Variants in PTGR3 observed in about 807,000 individuals in gnomAD.
The protein encoded by PTGR3 is zinc binding alcohol dehydrogenase domain containing 2.
At chr18:75,208,313 A>T in the PTGR3 span, 1 of 985,266 alleles carries the variant, frequency 1.0e-6, no homozygotes, top group East Asian at 1.1e-4. Flanking sequence ...CGAGGTGCAC[A>T]CCCACACATC....
At chr18:75,200,566 A>G in the PTGR3 span, 2 of 152,218 alleles carry the variant, frequency 1.3e-5, no homozygotes, top group African/African-American at 4.8e-5. Context: ...GTGTGCCTAG[A>G]CAGCGCTTCC....
the PTGR3 span, chr18:75,202,353 A>G: frequency 6.3e-7 from 1 of 1,596,938 alleles, no homozygotes; most frequent in Non-Finnish European, 8.6e-7. Context: ...AAAAGAAAAC[A>G]AACAAACAAA....
chr18:75,202,053 T>A, the PTGR3 span: 6 of 1,614,106 alleles, frequency 3.7e-6, no homozygotes, highest in South Asian at 6.6e-5. Flanking sequence ...TCCTCCGAGC[T>A]CTTTCAGGCT....
At chr18:75,206,783 TG>T in the PTGR3 span, among the ~76,000 whole-genome samples, 1 of 152,234 alleles carries the variant, frequency 6.6e-6, no homozygotes, top group Non-Finnish European at 1.5e-5. Context: ...TTGGCGTGTG[TG>T]CAGGGAAAAA....
the PTGR3 span, among the ~76,000 whole-genome samples, chr18:75,203,102 G>C: frequency 6.6e-6 from 1 of 152,110 alleles, no homozygotes; most frequent in Non-Finnish European, 1.5e-5. Context: ...AAAGCAAATC[G>C]TTACTATATT....
At chr18:75,208,148 G>A in the PTGR3 span, among the ~76,000 whole-genome samples, 73,602 of 152,154 alleles carry the variant, frequency 0.48, 18,096 homozygotes, top group Middle Eastern at 0.52. Context: ...ACAACCCGGT[G>A]TCACCTGAAT....
At chr18:75,201,237 T>A in the PTGR3 span, 36 of 588,494 alleles carry the variant, frequency 6.1e-5, no homozygotes, top group Admixed American at 9.8e-5. Context: ...CACATTTTTT[T>A]TTTTCCCCCA....
the PTGR3 span, chr18:75,201,769 C>G: frequency 6.2e-7 from 1 of 1,614,200 alleles, no homozygotes; most frequent in East Asian, 2.2e-5. Context: ...CCTTTCGTAG[C>G]CAGGGCGTCT....
chr18:75,201,565 C>T, the PTGR3 span: 1 of 1,614,162 alleles, frequency 6.2e-7, no homozygotes, highest in Non-Finnish European at 8.5e-7. Context: ...ACCTCACAAA[C>T]CAGGTCTCCG....
At chr18:75,200,383 G>C in the PTGR3 span, 1 of 152,244 alleles carries the variant, frequency 6.6e-6, no homozygotes, top group Non-Finnish European at 1.5e-5. Context: ...TGCAGAATGA[G>C]TGGCTGCTAT....
At chr18:75,199,093 T>C in the PTGR3 span, 1 of 152,674 alleles carries the variant, frequency 6.5e-6, no homozygotes, top group Non-Finnish European at 1.5e-5. Context: ...TGCAGTGCAC[T>C]TTCTTAGTTT....
the PTGR3 span, chr18:75,208,794 G>A: frequency 7.5e-7 from 1 of 1,334,510 alleles, no homozygotes; most frequent in Non-Finnish European, 9.6e-7. Flanking sequence ...GCGGCGCGGC[G>A]CGGCGCGAGC....
At chr18:75,206,340 T>C in the PTGR3 span, among the ~76,000 whole-genome samples, 45 of 152,214 alleles carry the variant, frequency 3.0e-4, no homozygotes, top group Non-Finnish European at 2.9e-5. Flanking sequence ...AGAAAAAAAA[T>C]CAGAGCACAA....
the PTGR3 span, chr18:75,209,119 C>G: frequency 1.5e-6 from 2 of 1,365,682 alleles, no homozygotes; most frequent in Non-Finnish European, 1.9e-6. The surrounding 1 kb of genome is among the most constrained non-coding windows in gnomAD (Gnocchi z 4.7). Context: ...CCGCCCGGGC[C>G]GCTCGGCTCG....
At chr18:75,206,532 T>C in the PTGR3 span, among the ~76,000 whole-genome samples, 1 of 152,244 alleles carries the variant, frequency 6.6e-6, no homozygotes, top group East Asian at 1.9e-4. Flanking sequence ...ATTAAGCCTC[T>C]ATTCTTAAAA....
At chr18:75,201,589 C>G in the PTGR3 span, 8 of 1,614,052 alleles carry the variant, frequency 5.0e-6, no homozygotes, top group East Asian at 1.6e-4. Flanking sequence ...ACACACATCT[C>G]GAGCAAGTGG....
the PTGR3 span, chr18:75,201,257 G>A: frequency 1.6e-6 from 1 of 615,756 alleles, no homozygotes; most frequent in Non-Finnish European, 2.7e-6. Context: ...AAGGGAAGAG[G>A]AGGAGGAGGA....
chr18:75,202,207 A>G, the PTGR3 span: 1 of 1,614,178 alleles, frequency 6.2e-7, no homozygotes, highest in Non-Finnish European at 8.5e-7. Flanking sequence ...CCAACTGTGT[A>G]TCTGGCACTA....
chr18:75,202,255 C>T, the PTGR3 span: 17 of 1,614,132 alleles, frequency 1.1e-5, no homozygotes, highest in African/African-American at 6.7e-5. Context: ...CCAATGCCTT[C>T]GAAACCTATG....
Sources: allele counts gnomAD v4.1 joint callset (sites outside exome capture counted in the v4.1 genomes callset), GRCh38; gene constraint gnomAD v4.1.1; non-coding constraint Gnocchi (gnomAD v3.1); transcripts MANE v1.5; gene names NCBI Gene and HGNC (gene_info 2026-07-23, HGNC 2026-07-21).